Variants in COX16 observed in about 807,000 individuals in gnomAD.
The protein encoded by COX16 is cytochrome c oxidase assembly protein COX16 homolog, mitochondrial.
COX16 carries 12 observed loss-of-function variants against 15.4 expected under a neutral mutation model. The ratio of observed to expected loss-of-function variants is 0.78; its 90% CI spans 0.50 to 1.26. COX16 has a LOEUF of 1.26. COX16 is among the 50% of genes most tolerant of loss of function. The pLI is 0.00. For synonymous variants in COX16, 46 were observed against 41.1 expected (o/e 1.12, Z -0.46); for missense variants, 124 against 127.6 (o/e 0.97, Z 0.14).
At chr14:70,329,413 T>G (rs562367935) in intron 2 of COX16, among the ~76,000 whole-genome samples, 177 bp from the exon 3 acceptor site, 358 of 152,236 alleles carry the variant, frequency 2.4e-3, no homozygotes, top group African/African-American at 8.1e-3. Flanking sequence ...GCCAGCATTA[T>G]TCAACTAAAA....
chr14:70,332,315 C>T (rs975761804), intron 2 of COX16, among the ~76,000 whole-genome samples: 1 of 152,242 alleles, frequency 6.6e-6, no homozygotes, highest in African/African-American at 2.4e-5. Flanking sequence ...ATAGGCCTCC[C>T]CTGTGGGCTT....
At chr14:70,326,514 A>C in intron 3 of COX16, 65 bp from the exon 4 acceptor site, 2 of 1,291,062 alleles carry the variant, frequency 1.5e-6, no homozygotes, top group South Asian at 3.6e-5. Context: ...TGATTAGGAC[A>C]CAACTAACTC....
intron 1 of COX16, among the ~76,000 whole-genome samples, chr14:70,346,537 C>T (rs966726586): frequency 6.6e-6 from 1 of 152,230 alleles, no homozygotes. Flanking sequence ...CCCATCACTT[C>T]CTAAGCCGGC....
intron 1 of COX16, chr14:70,359,163 C>T (rs564143446): frequency 2.1e-6 from 1 of 468,602 alleles, no homozygotes; most frequent in African/African-American, 2.0e-5. Flanking sequence ...AGTAATCATC[C>T]AAACTTGGCT....
intron 1 of COX16, among the ~76,000 whole-genome samples, chr14:70,351,475 T>G (rs1477272201): frequency 6.6e-6 from 1 of 152,226 alleles, no homozygotes; most frequent in African/African-American, 2.4e-5. Context: ...AAGGGTAACC[T>G]TCCTCTCTTT....
chr14:70,335,917 T>C (rs1886438859), intron 2 of COX16, among the ~76,000 whole-genome samples: 1 of 152,122 alleles, frequency 6.6e-6, no homozygotes, highest in East Asian at 1.9e-4. Context: ...TCAAAGGTTT[T>C]GGGATGTATT....
At chr14:70,358,114 G>C (rs1285914941) in intron 1 of COX16, among the ~76,000 whole-genome samples, 1 of 152,082 alleles carries the variant, frequency 6.6e-6, no homozygotes, top group Non-Finnish European at 1.5e-5. Context: ...GAAGAATCCA[G>C]TCACAAAAAA....
chr14:70,342,359 T>C (rs1278347359), intron 2 of COX16, among the ~76,000 whole-genome samples: 2 of 152,072 alleles, frequency 1.3e-5, no homozygotes, highest in Non-Finnish European at 2.9e-5. Context: ...GACAAGAGAA[T>C]TGCTTGAGCC....
chr14:70,333,928 A>G (rs932686940), intron 2 of COX16, among the ~76,000 whole-genome samples: 11 of 152,200 alleles, frequency 7.2e-5, no homozygotes, highest in Non-Finnish European at 1.6e-4. Flanking sequence ...GTGGGACAAT[A>G]TATTTAGAGT....
rs1295192876 is a variant in COX16, at chr14:70,342,706, A to G, written c.93T>C (p.Phe31=). 1 of 1,612,944 alleles carries G rather than the reference A, an allele frequency of 6.2e-7. No individual in the cohort carries two copies. The highest frequency in any genetic ancestry group is 8.5e-7 in the Non-Finnish European group (1 of 1,179,720). The part of the protein sequence containing the change: ...PMLLLIVGGS[F]GLREFSQIRY... ...GGATTTGAGAAAACTCACGAAGACC[A>G]AAAGAACCTCCAACAATCAGCAACT... The change falls in exon 2 of 4, where the codon TTT becomes TTC. Residue 31 remains phenylalanine (F), a synonymous_variant. Coordinates refer to ENST00000389912, the MANE Select transcript of COX16 (RefSeq NM_016468.7).
At chr14:70,335,956 A>G (rs1466118030) in intron 2 of COX16, among the ~76,000 whole-genome samples, 1 of 152,152 alleles carries the variant, frequency 6.6e-6, no homozygotes, top group African/African-American at 2.4e-5. Context: ...GGAAGTAATT[A>G]CTATAAAAAG....
intron 2 of COX16, among the ~76,000 whole-genome samples, chr14:70,333,553 A>G (rs1367915923): frequency 6.6e-6 from 1 of 152,222 alleles, no homozygotes; most frequent in East Asian, 1.9e-4. Context: ...AAAAGGAAAA[A>G]GAATGAAAGT....
intron 3 of COX16, among the ~76,000 whole-genome samples, chr14:70,326,709 C>T (rs987992593): frequency 6.6e-6 from 1 of 152,216 alleles, no homozygotes; most frequent in Middle Eastern, 3.4e-3. Flanking sequence ...GTCTACATGC[C>T]TTATTTTTGA....
chr14:70,350,258 C>T (rs1460315756), intron 1 of COX16, among the ~76,000 whole-genome samples: 3 of 152,170 alleles, frequency 2.0e-5, no homozygotes, highest in Non-Finnish European at 4.4e-5. Context: ...CCTGAAGACC[C>T]AGAAAGAGGC....
At chr14:70,350,300 A>T (rs891705193) in intron 1 of COX16, among the ~76,000 whole-genome samples, 1 of 152,190 alleles carries the variant, frequency 6.6e-6, no homozygotes, top group Non-Finnish European at 1.5e-5. Context: ...ATTACGTCAG[A>T]CTAGGACACT....
At chr14:70,346,545 G>A (rs982197892) in intron 1 of COX16, among the ~76,000 whole-genome samples, 9 of 152,170 alleles carry the variant, frequency 5.9e-5, no homozygotes, top group South Asian at 2.1e-4. Context: ...TTCCTAAGCC[G>A]GCCAAAACCT....
chr14:70,352,927 T>C (rs1444843747), intron 1 of COX16, among the ~76,000 whole-genome samples: 1 of 152,168 alleles, frequency 6.6e-6, no homozygotes, highest in Non-Finnish European at 1.5e-5. Flanking sequence ...CTTCTCAGTA[T>C]GTGGTAACCT....
chr14:70,329,086 A>C, intron 3 of COX16, 88 bp downstream of exon 3: 1 of 1,271,730 alleles, frequency 7.9e-7, no homozygotes, highest in Non-Finnish European at 1.1e-6. Flanking sequence ...TATTCAACGT[A>C]ATTTTTTTCT....
At chr14:70,340,781 TAA>T (rs945342414) in intron 2 of COX16, among the ~76,000 whole-genome samples, 51 of 152,194 alleles carry the variant, frequency 3.4e-4, no homozygotes, top group African/African-American at 1.1e-3. Flanking sequence ...TTATAGAATA[TAA>T]GTCATTTCTA....
Sources: gnomAD v4.1 joint callset for allele counts (sites outside exome capture counted in the v4.1 genomes callset) on GRCh38, gnomAD v4.1.1 for gene constraint, MANE v1.5 for transcripts, NCBI Gene and HGNC (gene_info 2026-07-23, HGNC 2026-07-21) for gene names.